Variants in SGCD observed in about 807,000 individuals in gnomAD.
SGCD encodes the protein delta-sarcoglycan.
Under a neutral mutation model 36.6 loss-of-function variants are expected in SGCD, and 18 were observed. The observed-to-expected ratio is 0.49, with a 90% CI of 0.34 to 0.73. The LOEUF (loss-of-function observed/expected upper bound fraction) is 0.73. SGCD is among the 30% of genes least tolerant of loss of function. SGCD has a pLI of 0.01. For synonymous variants in SGCD, 133 were observed against 130.6 expected (o/e 1.02, Z -0.12); for missense variants, 387 against 346.7 (o/e 1.12, Z -0.92).
chr5:155,851,660 CTA>C, the SGCD span, among the ~76,000 whole-genome samples: 3 of 152,176 alleles, frequency 2.0e-5, no homozygotes, highest in Non-Finnish European at 2.9e-5. Context: ...AATGCTCTCT[CTA>C]TGCCTGGAAG....
intron 7 of SGCD, among the ~76,000 whole-genome samples, chr5:156,682,518 T>A (rs767879360): frequency 3.3e-5 from 5 of 152,220 alleles, no homozygotes; most frequent in Non-Finnish European, 7.4e-5. Context: ...AATCAAACTG[T>A]ATAAATGCAA....
At chr5:156,663,035 T>C (rs1763993156) in intron 7 of SGCD, among the ~76,000 whole-genome samples, 1 of 150,432 alleles carries the variant, frequency 6.6e-6, no homozygotes, top group South Asian at 2.1e-4. Flanking sequence ...TTTAATGCCA[T>C]CTTCATTTTT....
the SGCD span, among the ~76,000 whole-genome samples, chr5:155,741,301 G>A: frequency 6.6e-6 from 1 of 152,196 alleles, no homozygotes; most frequent in African/African-American, 2.4e-5. Context: ...AGGTGCCACA[G>A]TCTTAGTTAA....
At chr5:155,862,590 G>T in the SGCD span, among the ~76,000 whole-genome samples, 1 of 152,150 alleles carries the variant, frequency 6.6e-6, no homozygotes, top group Non-Finnish European at 1.5e-5. Context: ...TCCCACCTCA[G>T]CTCCCAAATT....
At chr5:156,392,970 C>T (rs187866419) in intron 3 of SGCD, among the ~76,000 whole-genome samples, 13 of 152,146 alleles carry the variant, frequency 8.5e-5, no homozygotes, top group South Asian at 4.2e-4. Context: ...GGGGGCGTGG[C>T]GGGGAAATTC....
intron 7 of SGCD, among the ~76,000 whole-genome samples, chr5:156,755,633 A>G (rs1207208053): frequency 1.3e-5 from 2 of 152,186 alleles, no homozygotes; most frequent in Non-Finnish European, 2.9e-5. Flanking sequence ...AATGAGATGA[A>G]CCACAATAAT....
At chr5:156,285,897 A>G (rs1253128940) in intron 3 of SGCD, among the ~76,000 whole-genome samples, 1 of 152,200 alleles carries the variant, frequency 6.6e-6, no homozygotes, top group African/African-American at 2.4e-5. Flanking sequence ...AACCTACAAA[A>G]TGGGAGAAAA....
At chr5:156,173,868 T>A (rs1413119925) in intron 3 of SGCD, among the ~76,000 whole-genome samples, 2 of 152,150 alleles carry the variant, frequency 1.3e-5, no homozygotes, top group African/African-American at 2.4e-5. Flanking sequence ...GATGGTCCAA[T>A]CATATGGAAA....
At chr5:156,641,963 A>G (rs1445177241) in intron 6 of SGCD, among the ~76,000 whole-genome samples, 2 of 152,174 alleles carry the variant, frequency 1.3e-5, no homozygotes, top group Non-Finnish European at 2.9e-5. Context: ...CAGATACTAC[A>G]GACTGGATGC....
intron 4 of SGCD, among the ~76,000 whole-genome samples, chr5:156,547,357 T>A (rs749608373): frequency 6.6e-6 from 1 of 152,138 alleles, no homozygotes; most frequent in Non-Finnish European, 1.5e-5. Flanking sequence ...ATCACCCTGG[T>A]TCCCTGGTTG....
intron 1 of SGCD, among the ~76,000 whole-genome samples, chr5:155,883,422 C>A (rs577230267): frequency 2.0e-5 from 3 of 152,232 alleles, no homozygotes; most frequent in African/African-American, 7.2e-5. Flanking sequence ...AAGAGACATG[C>A]AACTCTTTCT....
In SGCD at chr5:156,758,390, T is replaced by TG. The variant is rs958330359; in HGVS notation, c.699+686_699+687insG. On this transcript the variant is annotated intron_variant, in intron 8 of 8. Transcript: ENST00000337851. ...ATCATAGAGTTAAAAAATCTGTGTG[T>TG]TTTTTTTTTTTTAAGAAAAATGCTA... 3.8e-3 allele frequency among the ~76,000 whole-genome samples: 203 copies of TG among 52,872 alleles called. 1 individual carries two copies. The highest frequency in any genetic ancestry group is 0.01 in the African/African-American group (140 of 13,522). 34.7% of individuals were successfully genotyped at this position (52,872 alleles called of 152,430 possible). A position where few individuals can be genotyped will look rare whatever the true frequency, so the allele number is the denominator to read the frequency against.
chr5:156,286,677 G>A (rs946691912), intron 3 of SGCD, among the ~76,000 whole-genome samples: 1 of 152,142 alleles, frequency 6.6e-6, no homozygotes, highest in Non-Finnish European at 1.5e-5. Flanking sequence ...CCTGTTGTGG[G>A]TTGGGGGAGT....
At chr5:156,210,695 A>G (rs987296958) in intron 3 of SGCD, among the ~76,000 whole-genome samples, 1 of 151,666 alleles carries the variant, frequency 6.6e-6, no homozygotes, top group Non-Finnish European at 1.5e-5. Context: ...GAAGAGATTT[A>G]GAAGCAAAAT....
chr5:156,559,861 G>C (rs1759197931), intron 4 of SGCD, among the ~76,000 whole-genome samples: 1 of 152,120 alleles, frequency 6.6e-6, no homozygotes, highest in Non-Finnish European at 1.5e-5. Flanking sequence ...AGATTCTGAG[G>C]GTACTGAGAA....
In SGCD at chr5:156,372,969, A is replaced by G. The variant is rs191116712; in HGVS notation, c.192+28292A>G. On this transcript the variant is annotated intron_variant, in intron 3 of 8. Coordinates refer to ENST00000337851, the MANE Select transcript of SGCD (RefSeq NM_000337.6). ...TCCACCCTGAGATGCCATAATGAAG[A>G]TGGCATTTCTCTACATTTAAGGTGT... Among the ~76,000 whole-genome samples the G allele has an allele frequency of 2.7e-4, 40 of 149,906 alleles. No homozygotes were observed. In the East Asian group the frequency reaches 5.2e-3, roughly 20 times the overall value.
chr5:155,910,805 C>G (rs981961058), intron 1 of SGCD, among the ~76,000 whole-genome samples: 3 of 152,096 alleles, frequency 2.0e-5, no homozygotes, highest in East Asian at 3.9e-4. Context: ...AGTGCATTGT[C>G]AAAGTGGAAG....
At chr5:155,911,293 A>ATGTGTGTGTGTGTG (rs371986965) in intron 1 of SGCD, among the ~76,000 whole-genome samples, 3 of 141,604 alleles carry the variant, frequency 2.1e-5, no homozygotes, top group Admixed American at 7.1e-5. Context: ...AGTATAGTAT[A>ATGTGTGTGTGTGTG]TGTGTGTGTG....
chr5:156,103,203 A>G (rs1761562308), intron 1 of SGCD, among the ~76,000 whole-genome samples: 1 of 152,184 alleles, frequency 6.6e-6, no homozygotes. Context: ...AATAATTAGA[A>G]GAGTTGGATG....
Sources: allele counts gnomAD v4.1 joint callset (sites outside exome capture counted in the v4.1 genomes callset), GRCh38; gene constraint gnomAD v4.1.1; transcripts MANE v1.5; gene names NCBI Gene and HGNC (gene_info 2026-07-23, HGNC 2026-07-21).